NTRK3: variants seen among roughly 807,000 people sequenced by gnomAD.
NTRK3 encodes neurotrophic receptor tyrosine kinase 3, also known as NT-3 growth factor receptor.
Under a neutral mutation model 91.7 loss-of-function variants are expected in NTRK3, and 24 were observed. The ratio of observed to expected loss-of-function variants is 0.26; its 90% confidence interval spans 0.19 to 0.37. The LOEUF (loss-of-function observed/expected upper bound fraction) is 0.37. NTRK3 is among the 10% of genes least tolerant of loss of function. The pLI, the probability that NTRK3 is intolerant of heterozygous loss-of-function variation, is 1.00. For synonymous variants in NTRK3, 483 were observed against 404.0 expected (o/e 1.20, Z -2.34); for missense variants, 880 against 1,068.9 (o/e 0.82, Z 2.46).
intron 14 of NTRK3, among the ~76,000 whole-genome samples, chr15:87,954,496 G>A (rs191947332): frequency 6.6e-6 from 1 of 152,150 alleles, no homozygotes; most frequent in African/African-American, 2.4e-5. Context: ...ATGAATCTCC[G>A]ATTACTCCAG....
intron 14 of NTRK3, among the ~76,000 whole-genome samples, chr15:88,030,083 C>T (rs1196477889): frequency 6.6e-6 from 1 of 152,230 alleles, no homozygotes; most frequent in Non-Finnish European, 1.5e-5. Context: ...AAAAGGGCTA[C>T]TTTCCCCAGC....
chr15:87,969,156 A>G (rs1365024775), intron 14 of NTRK3, among the ~76,000 whole-genome samples: 1 of 152,100 alleles, frequency 6.6e-6, no homozygotes, highest in Non-Finnish European at 1.5e-5. Flanking sequence ...GATGAAATTC[A>G]CCTTCCCAGA....
At chr15:87,920,728 T>A (rs563757862) in intron 17 of NTRK3, among the ~76,000 whole-genome samples, 394 of 152,236 alleles carry the variant, frequency 2.6e-3, no homozygotes, top group South Asian at 5.8e-3. Flanking sequence ...AGCCCACCTA[T>A]CTCTGTTGCA....
intron 17 of NTRK3, chr15:87,925,522 T>C (rs1419452513): frequency 4.8e-6 from 1 of 209,448 alleles, no homozygotes; most frequent in Non-Finnish European, 9.7e-6. Flanking sequence ...CAACAAACTC[T>C]TAGGCCCAAA....
At chr15:87,906,359 G>A (rs2066764134) in intron 17 of NTRK3, among the ~76,000 whole-genome samples, 1 of 152,170 alleles carries the variant, frequency 6.6e-6, no homozygotes, top group South Asian at 2.1e-4. Context: ...GAGAAGGAAG[G>A]GCCTTAAGAT....
At chr15:88,183,478 T>G (rs961631949) in exon 5 of NTRK3, 2 of 1,613,860 alleles carry the variant, frequency 1.2e-6, no homozygotes, top group African/African-American at 2.7e-5. Context: ...AAGTCCTGAG[T>G]TCTTGATGGT....
intron 14 of NTRK3, among the ~76,000 whole-genome samples, chr15:88,002,827 C>T (rs966604643): frequency 6.6e-6 from 1 of 151,888 alleles, no homozygotes; most frequent in African/African-American, 2.4e-5. Flanking sequence ...ACAACTACGG[C>T]CTATTGAAGG....
chr15:87,863,020 T>C (rs1237746420), exon 19 of NTRK3: 2 of 230,994 alleles, frequency 8.7e-6, no homozygotes, highest in East Asian at 1.2e-4. Context: ...TGATTGTGTA[T>C]AAGCAGTCCT....
chr15:88,115,180 T>C (rs1353197389), intron 13 of NTRK3, among the ~76,000 whole-genome samples: 1 of 152,194 alleles, frequency 6.6e-6, no homozygotes, highest in East Asian at 1.9e-4. Context: ...GTGTCCATTT[T>C]CCCAAGCTCT....
At chr15:88,101,741 A>G (rs529563204) in intron 13 of NTRK3, among the ~76,000 whole-genome samples, 1 of 152,328 alleles carries the variant, frequency 6.6e-6, no homozygotes, top group Admixed American at 6.5e-5. Context: ...ACTGGAAACC[A>G]TCATTCTCAG....
chr15:87,916,308 G>T, intron 17 of NTRK3: 1 of 335,472 alleles, frequency 3.0e-6, no homozygotes, highest in South Asian at 9.4e-5. Flanking sequence ...TTTGTCTCAG[G>T]AAAAAAAAAA....
chr15:87,979,299 C>G (rs1385534126), intron 14 of NTRK3: 2 of 1,368,460 alleles, frequency 1.5e-6, no homozygotes, highest in Admixed American at 3.3e-5. Context: ...TCAGAGGGCC[C>G]AGCCTACCAA....
chr15:88,243,031 C>G lies in NTRK3; in HGVS notation c.248+12875G>C, dbSNP rs2052512056. Among the ~76,000 whole-genome samples the G allele has an allele frequency of 6.6e-6, 1 of 152,216 alleles. No homozygotes were observed. The highest frequency in any genetic ancestry group is 6.5e-5 in the Admixed American group (1 of 15,286). Reference sequence around the variant, plus strand: ...TCCCACGGAGGAGGAGGAGCTGCAGCTGCAGGCCCTAAAAATTAGGCCCTT... The same window carrying G: ...TCCCACGGAGGAGGAGGAGCTGCAGGTGCAGGCCCTAAAAATTAGGCCCTT... On this transcript the variant is annotated intron_variant, in intron 3 of 18. Coordinates refer to ENST00000394480, the Ensembl canonical transcript of NTRK3. The surrounding 1 kb of genome is among the most constrained non-coding windows in gnomAD (Gnocchi z 4.8).
At chr15:87,867,593 G>A (rs2064718210) in exon 19 of NTRK3, 1 of 229,030 alleles carries the variant, frequency 4.4e-6, no homozygotes, top group Non-Finnish European at 8.7e-6. Context: ...GCAACTAGTT[G>A]TCAGATGCCC....
intron 14 of NTRK3, among the ~76,000 whole-genome samples, chr15:88,029,422 G>C (rs760361875): frequency 1.3e-5 from 2 of 152,170 alleles, no homozygotes; most frequent in Non-Finnish European, 2.9e-5. Context: ...AGCAAGGAGA[G>C]GACCAGCATC....
chr15:87,912,927 A>ATAT (rs2067180668), intron 17 of NTRK3, among the ~76,000 whole-genome samples: 2 of 96,228 alleles, frequency 2.1e-5, no homozygotes, highest in South Asian at 7.4e-4. Context: ...AAAAAGTAAA[A>ATAT]AAAAATATAT....
At chr15:87,870,787 G>A in exon 19 of NTRK3, 1 of 222,448 alleles carries the variant, frequency 4.5e-6, no homozygotes, top group African/African-American at 2.2e-5. Context: ...ATTCTCAGAA[G>A]TAGATGTTCA....
At chr15:87,972,037 G>A (rs1004176810) in intron 14 of NTRK3, among the ~76,000 whole-genome samples, 2 of 152,198 alleles carry the variant, frequency 1.3e-5, no homozygotes, top group Admixed American at 6.5e-5. Flanking sequence ...GGTATCACCA[G>A]GCCATATTAG....
chr15:88,253,661 G>C (rs1456948853), intron 3 of NTRK3, among the ~76,000 whole-genome samples: 5 of 152,198 alleles, frequency 3.3e-5, no homozygotes, highest in African/African-American at 1.2e-4. Context: ...CACAGCTCCT[G>C]TGGGAATCCA....
Sources: gnomAD v4.1 joint callset for allele counts (sites outside exome capture counted in the v4.1 genomes callset) on GRCh38, gnomAD v4.1.1 for gene constraint, Gnocchi (gnomAD v3.1) non-coding constraint, MANE v1.5 for transcripts, NCBI Gene and HGNC (gene_info 2026-07-23, HGNC 2026-07-21) for gene names.